The following NXN variants were observed in gnomAD, a reference collection of about 807,000 sequenced individuals.
NXN encodes nucleoredoxin, also known as nucleoredoxin 1.
In NXN, 16 loss-of-function variants were observed where a neutral mutation model predicts 48.6. The ratio of observed to expected loss-of-function variants is 0.33; its 90% confidence interval spans 0.22 to 0.50. The LOEUF is 0.50. Among genes scored for constraint, NXN ranks in the 20% least tolerant of loss-of-function variants. The pLI, the probability that NXN is intolerant of heterozygous loss-of-function variation, is 0.98. For synonymous variants in NXN, 281 were observed against 269.6 expected (o/e 1.04, Z -0.41); for missense variants, 492 against 605.5 (o/e 0.81, Z 1.97).
At chr17:885,934 C>G (rs1459184682) in intron 1 of NXN, among the ~76,000 whole-genome samples, 1 of 151,922 alleles carries the variant, frequency 6.6e-6, no homozygotes. Flanking sequence ...GTGATCCGCC[C>G]GCCTCGGCCT....
At chr17:823,423 G>C (rs549719251) in intron 3 of NXN, among the ~76,000 whole-genome samples, 1 of 151,526 alleles carries the variant, frequency 6.6e-6, no homozygotes, top group Non-Finnish European at 1.5e-5. Flanking sequence ...GAGGGCTATC[G>C]TTATAGATCA....
chr17:819,247 G>C, intron 5 of NXN, 192 bp downstream of exon 5: 1 of 618,762 alleles, frequency 1.6e-6, no homozygotes, highest in South Asian at 1.8e-5. Context: ...TGCCCGGCCT[G>C]ACAATACTTA....
intron 5 of NXN, among the ~76,000 whole-genome samples, chr17:815,227 ATGATGAGGG>A: frequency 6.6e-6 from 1 of 152,110 alleles, no homozygotes; most frequent in African/African-American, 2.4e-5. Context: ...ATCCATCCAT[ATGATGAGGG>A]CCAGTGTCCA....
At chr17:911,624 C>G (rs1034962428) in intron 1 of NXN, among the ~76,000 whole-genome samples, 10 of 151,884 alleles carry the variant, frequency 6.6e-5, no homozygotes, top group African/African-American at 2.4e-4. Flanking sequence ...CCACCACACC[C>G]GGCTAATTTT....
At chr17:946,736 C>T (rs936962480) in intron 1 of NXN, among the ~76,000 whole-genome samples, 4 of 152,240 alleles carry the variant, frequency 2.6e-5, no homozygotes, top group Non-Finnish European at 4.4e-5. Flanking sequence ...GTACCGCTGA[C>T]GGGCTCGGCC....
chr17:974,106 T>G (rs1472980463), intron 1 of NXN, among the ~76,000 whole-genome samples: 2 of 151,484 alleles, frequency 1.3e-5, no homozygotes. Context: ...TCCCAGCACT[T>G]TGGGAGGCTG....
chr17:823,843 T>A, intron 2 of NXN, 78 bp from the exon 3 acceptor site: 1 of 1,503,034 alleles, frequency 6.7e-7, no homozygotes, highest in Non-Finnish European at 9.1e-7. Flanking sequence ...TCAGAGCGGT[T>A]AAGACTCTTC....
At chr17:846,856 G>A (rs1157859150) in intron 1 of NXN, among the ~76,000 whole-genome samples, 1 of 151,346 alleles carries the variant, frequency 6.6e-6, no homozygotes, top group Non-Finnish European at 1.5e-5. Flanking sequence ...GAGAAAAAAG[G>A]AGAAAAATGG....
chr17:827,617 C>A (rs575982573), intron 1 of NXN, among the ~76,000 whole-genome samples: 221 of 152,118 alleles, frequency 1.5e-3, no homozygotes, highest in African/African-American at 5.1e-3. Flanking sequence ...AGTGAGACTC[C>A]GTCTCAAAAA....
Position 805,108 on chromosome 17 carries a change from G to A in NXN, c.960C>T (p.Ala320=), listed in dbSNP as rs752204586. Residue 320 remains alanine, a synonymous_variant, in exon 6 of 8, where the codon GCC becomes GCT. Coordinates refer to ENST00000336868, the MANE Select transcript of NXN (RefSeq NM_022463.5). ...KPVLELSDSN[A]AQLNEGPCLV... ...GGCAGGGGCCCTCGTTAAGCTGCGC[G>A]GCGTTGGAGTCGGAGAGCTCCAGCA... The A allele has an allele frequency of 1.2e-5, 19 of 1,609,388 alleles. No homozygotes were observed. The highest frequency in any genetic ancestry group is 5.3e-5 in the African/African-American group (4 of 74,868).
chr17:839,801 A>AAAAAAG (rs1914036989), intron 1 of NXN, among the ~76,000 whole-genome samples: 1 of 141,140 alleles, frequency 7.1e-6, no homozygotes, highest in African/African-American at 2.7e-5. Flanking sequence ...CCTTGTTAAA[A>AAAAAAG]AAAAAAAAAA....
chr17:827,249 T>G (rs1455297229), intron 1 of NXN, among the ~76,000 whole-genome samples: 1 of 150,094 alleles, frequency 6.7e-6, no homozygotes, highest in Non-Finnish European at 1.5e-5. Flanking sequence ...GAGGCCGAGG[T>G]GGGTGGATCA....
At chr17:905,495 C>A (rs1177722318) in intron 1 of NXN, among the ~76,000 whole-genome samples, 1 of 152,104 alleles carries the variant, frequency 6.6e-6, no homozygotes, top group African/African-American at 2.4e-5. Context: ...AAGTTTAAAG[C>A]AACCTGCTGC....
At chr17:965,641 C>T (rs1320974527) in intron 1 of NXN, among the ~76,000 whole-genome samples, 6 of 152,056 alleles carry the variant, frequency 3.9e-5, no homozygotes, top group Non-Finnish European at 7.3e-5. Flanking sequence ...AGGTGTCTAG[C>T]GGCATAACCC....
chr17:951,196 A>AGCTGGGCGTGGT, intron 1 of NXN, among the ~76,000 whole-genome samples: 1 of 140,450 alleles, frequency 7.1e-6, no homozygotes, highest in African/African-American at 2.5e-5. Flanking sequence ...AAAAAAAAAA[A>AGCTGGGCGTGGT]AAAAAAAGCT....
At chr17:863,919 TAC>T (rs2068067100) in intron 1 of NXN, 1 of 1,485,066 alleles carries the variant, frequency 6.7e-7, no homozygotes, top group East Asian at 2.5e-5. Flanking sequence ...GTCAGGCTCA[TAC>T]AGTGTGTTCC....
intron 1 of NXN, among the ~76,000 whole-genome samples, chr17:856,879 A>G (rs1459142651): frequency 3.3e-5 from 5 of 152,062 alleles, no homozygotes; most frequent in Admixed American, 6.6e-5. Flanking sequence ...TTTCTTTCTG[A>G]GCCCTCCCCG....
chr17:882,693 C>G (rs567869192), intron 1 of NXN, among the ~76,000 whole-genome samples: 2 of 152,174 alleles, frequency 1.3e-5, no homozygotes, highest in South Asian at 4.1e-4. Context: ...TCTCGATCTC[C>G]TGACCTCGTG....
intron 1 of NXN, among the ~76,000 whole-genome samples, chr17:951,756 C>G (rs1006549593): frequency 3.3e-5 from 5 of 152,144 alleles, no homozygotes; most frequent in Non-Finnish European, 7.4e-5. Flanking sequence ...GGGCCAGCCC[C>G]AGAGGGGCGG....
Sources: allele counts gnomAD v4.1 joint callset (sites outside exome capture counted in the v4.1 genomes callset), GRCh38; gene constraint gnomAD v4.1.1; transcripts MANE v1.5; gene names NCBI Gene and HGNC (gene_info 2026-07-23, HGNC 2026-07-21).